The following HPS4 variants were observed in gnomAD, a reference collection of about 807,000 sequenced individuals.
The protein encoded by HPS4 is BLOC-3 complex member HPS4.
HPS4 carries 44 observed loss-of-function variants against 70.3 expected under a neutral mutation model. The observed-to-expected ratio is 0.63, with a 90% CI of 0.49 to 0.80. The LOEUF (loss-of-function observed/expected upper bound fraction) is 0.80. Ranked by LOEUF, HPS4 falls within the 30% of genes least tolerant of loss-of-function variation. HPS4 has a pLI of 0.00. For missense variants in HPS4, 873 were observed against 884.4 expected (o/e 0.99, Z 0.16); for synonymous variants, 377 against 355.9 (o/e 1.06, Z -0.67).
In HPS4 at chr22:26,481,343, C is replaced by T. The variant is rs118122339; in HGVS notation, c.41+379G>A. On this transcript the variant is annotated intron_variant, in intron 2 of 13. Transcript: ENST00000398145. ...GGTTTCAGACAGACATTGAGTAATACCCCTTGATACCCAGTCTGGCCAGAC... is the reference window on the plus strand; with the variant it reads ...GGTTTCAGACAGACATTGAGTAATATCCCTTGATACCCAGTCTGGCCAGAC... Among the ~76,000 whole-genome samples, 537 of 152,176 alleles carry T rather than the reference C, an allele frequency of 3.5e-3. 15 individuals are homozygous for T. The East Asian group carries it at 0.065, about 18-fold the overall frequency.
At chr22:26,465,951 A>G in intron 9 of HPS4, 4 of 1,064,808 alleles carry the variant, frequency 3.8e-6, no homozygotes, top group Non-Finnish European at 5.5e-6. Context: ...CCCTCTCCCA[A>G]TCACAATCTC....
Position 26,479,294 on chromosome 22 carries a change from C to T in HPS4, c.103G>A (p.Ala35Thr), listed in dbSNP as rs1380980900. Residue 35 changes from alanine (A) to threonine (T), a missense_variant, in exon 3 of 14, where the codon GCT becomes ACT. Transcript: ENST00000398145. Reference sequence around the variant, plus strand: ...GAAGGATAAAAGTAACAAATGCCAGCTCTTGTTGGATCGCCTTCTTCCTTT... The same window carrying T: ...GAAGGATAAAAGTAACAAATGCCAGTTCTTGTTGGATCGCCTTCTTCCTTT... ...KVKEEGDPTRAGICYFYPSQT... is the reference protein window; with the variant it reads ...KVKEEGDPTRTGICYFYPSQT... The T allele has an allele frequency of 1.2e-6, 2 of 1,614,154 alleles. No individual in the cohort carries two copies. The highest frequency in any genetic ancestry group is 2.2e-5 in the East Asian group (1 of 44,878).
At chr22:26,456,775 T>G (rs1335715334) in intron 13 of HPS4, among the ~76,000 whole-genome samples, 1 of 152,226 alleles carries the variant, frequency 6.6e-6, no homozygotes, top group Non-Finnish European at 1.5e-5. Context: ...CTGTTACCAG[T>G]TGTCAACCAA....
intron 1 of HPS4, among the ~76,000 whole-genome samples, chr22:26,483,440 C>G (rs2091510616): frequency 6.6e-6 from 1 of 152,234 alleles, no homozygotes; most frequent in Non-Finnish European, 1.5e-5. Context: ...AGTGGGGCAG[C>G]AGGGCTGGAA....
rs1006607051 is a variant in HPS4 at position 26,451,354 on chromosome 22, G to T, written c.*1879C>A. 1 of 152,246 alleles carries T rather than the reference G, an allele frequency of 6.6e-6. No homozygotes were observed. Among genetic ancestry groups the T allele is most frequent in the African/African-American group, 2.4e-5 (1 of 41,434 alleles). The allele number at this position is 152,246 out of a possible 1,614,324, so 9.4% of individuals were successfully genotyped here. A position where few individuals can be genotyped will look rare whatever the true frequency, so the allele number is the denominator to read the frequency against. ...TAAGTGTTTCTTCTCTGCAGCCTCT[G>T]GGCCACAGTTACCAAGCTTTAGAGA... is the stretch of plus-strand genomic sequence containing the variant. On this transcript the variant is annotated 3_prime_UTR_variant, in exon 14 of 14. Coordinates refer to ENST00000398145, the MANE Select transcript of HPS4 (RefSeq NM_022081.6).
In HPS4 at chr22:26,464,576, G is replaced by T. The variant is rs1248260692; in HGVS notation, c.1054C>A (p.Leu352Ile). Residue 352 changes from leucine (L) to isoleucine (I), a missense_variant, in exon 11 of 14, where the codon CTC (leucine) becomes ATC (isoleucine). Leu to Ile is a conservative substitution (Grantham distance 5). Transcript: ENST00000398145. The stretch of plus-strand genomic sequence containing the variant: ...AGTTCCTTCCCCAGGGAGGAGCTGA[G>T]GCCAAGAACCTCACCCCTGGCAGAG... Reference protein sequence around the residue: ...HNSARGEVLGLSSSLGKELVF... With the variant: ...HNSARGEVLGISSSLGKELVF... The T allele has an allele frequency of 3.1e-6, 5 of 1,614,130 alleles. No individual in the cohort carries two copies. The African/African-American group carries it at 6.7e-5, about 22-fold the overall frequency.
intron 7 of HPS4, among the ~76,000 whole-genome samples, chr22:26,469,888 C>T (rs952083108): frequency 2.6e-5 from 4 of 152,070 alleles, no homozygotes; most frequent in Non-Finnish European, 5.9e-5. Context: ...TCGGTTCTTC[C>T]GCATCTGTCA....
chr22:26,477,413 A>G (rs565254541), intron 3 of HPS4, among the ~76,000 whole-genome samples: 1 of 152,208 alleles, frequency 6.6e-6, no homozygotes, highest in South Asian at 2.1e-4. Context: ...CTAAGAGAAC[A>G]CCCAGCAGGA....
At position 26,452,371 on chromosome 22, in the gene HPS4, C is replaced by G. The variant is rs767814877; in HGVS notation, c.*862G>C. The G allele has an allele frequency of 1.0e-4, 46 of 456,546 alleles. No homozygotes were observed. Among genetic ancestry groups the G allele is most frequent in the Non-Finnish European group, 1.5e-4 (34 of 226,976 alleles). The allele number at this position is 456,546 out of a possible 1,614,324, so 28.3% of individuals were successfully genotyped here. On this transcript the variant is annotated 3_prime_UTR_variant, in exon 14 of 14. Coordinates refer to ENST00000398145, the MANE Select transcript of HPS4 (RefSeq NM_022081.6). ...ACCACACAAGCCCAGGAACACACAG[C>G]TGAGTGTCGCTCCCTTTCACGCAGC...
rs922201004 is a variant in HPS4 at position 26,455,553 on chromosome 22, A to G, written c.1956-2149T>C. On this transcript the variant is annotated intron_variant, in intron 13 of 13. Transcript: ENST00000398145. The stretch of plus-strand genomic sequence containing the variant: ...ACAATGAGAATACATGGACACAGGA[A>G]GGGGAACATCACACACTGGGGCCTG... 2.4e-5 allele frequency among the ~76,000 whole-genome samples: 3 copies of G among 126,904 alleles called. No individual in the cohort carries two copies. The Admixed American group carries it at 2.8e-4, about 12-fold the overall frequency. The allele number at this position is 126,904 out of a possible 152,430, so 83.3% of individuals were successfully genotyped here.
intron 9 of HPS4, 95 bp downstream of exon 9, chr22:26,466,131 G>A (rs2088552369): frequency 2.1e-5 from 34 of 1,612,176 alleles, no homozygotes; most frequent in Non-Finnish European, 2.8e-5. Context: ...AAATAAACAT[G>A]CAGATGGCTT....
chr22:26,454,595 GACTT>G, intron 13 of HPS4, among the ~76,000 whole-genome samples: 1 of 152,282 alleles, frequency 6.6e-6, no homozygotes, highest in South Asian at 2.1e-4. Context: ...ATGGATTAAA[GACTT>G]ACATGTTAGA....
Position 26,465,530 on chromosome 22 carries a change from A to C in HPS4, c.728T>G (p.Val243Gly), listed in dbSNP as rs2088376186. Residue 243 changes from valine to glycine, a missense_variant, in exon 10 of 14, where the codon GTC becomes GGC. Val to Gly is a moderately radical substitution (Grantham distance 109). Coordinates refer to ENST00000398145, the MANE Select transcript of HPS4 (RefSeq NM_022081.6). ...GGTCACAAAAACAGGGATAATCTGG[A>C]CATTCGGGGGCAATGCCGCTCCTGG... ...QEHGAALPPN[V>G]QIIPVFVTKE... 1 of 1,614,102 alleles carries C rather than the reference A, an allele frequency of 6.2e-7. No individual in the cohort carries two copies. Among genetic ancestry groups the C allele is most frequent in the Admixed American group, 1.7e-5 (1 of 60,028 alleles).
Position 26,451,998 on chromosome 22 carries a change from GCGCGCGCACACACACA to G in HPS4, c.*1219_*1234del, listed in dbSNP as rs1189256070. 0.048 allele frequency: 2,946 copies of G among 61,390 alleles called. 92 individuals are homozygous for G. The highest frequency in any genetic ancestry group is 0.21 in the African/African-American group (2,783 of 13,266). 3.8% of individuals were successfully genotyped at this position (61,390 alleles called of 1,614,324 possible). A position where few individuals can be genotyped will look rare whatever the true frequency, so the allele number is the denominator to read the frequency against. On this transcript the variant is annotated 3_prime_UTR_variant, in exon 14 of 14. Transcript: ENST00000398145. Reference sequence around the variant, plus strand: ...ATGCGCCCACGTTACGCGCGCGCGCGCGCGCGCACACACACACACACACACACACACACACACACAC... The same window carrying G: ...ATGCGCCCACGTTACGCGCGCGCGCGCACACACACACACACACACACACAC...
intron 7 of HPS4, among the ~76,000 whole-genome samples, chr22:26,470,487 C>T (rs2089610528): frequency 6.6e-6 from 1 of 152,248 alleles, no homozygotes; most frequent in Non-Finnish European, 1.5e-5. Context: ...ATTATAGGGA[C>T]ATTCTTAACT....
intron 11 of HPS4, among the ~76,000 whole-genome samples, chr22:26,461,663 G>GT (rs767773235): frequency 2.6e-4 from 40 of 152,220 alleles, no homozygotes; most frequent in Non-Finnish European, 5.1e-4. Flanking sequence ...TTTCTAGACA[G>GT]TAGCAGAGGG....
At chr22:26,454,871 A>C (rs1371851970) in intron 13 of HPS4, among the ~76,000 whole-genome samples, 2 of 152,066 alleles carry the variant, frequency 1.3e-5, no homozygotes, top group Non-Finnish European at 2.9e-5. Context: ...CAATGAACTC[A>C]AACAAATTTA....
At position 26,470,775 on chromosome 22, in the gene HPS4, C is replaced by T. The variant is rs756838292; in HGVS notation, c.540G>A (p.Leu180=). Residue 180 remains leucine (L), a synonymous_variant, in exon 7 of 14, where the codon CTG becomes CTA. Coordinates refer to ENST00000398145, the MANE Select transcript of HPS4 (RefSeq NM_022081.6). ...PLLLLKAARI[L]QTCQRSPHIL... ...TGTGAGGCGAGCGCTGGCAGGTCTG[C>T]AGAATGCGGGCTGCCTTCAGCAACA... 3.7e-6 allele frequency: 6 copies of T among 1,614,092 alleles called. No individual in the cohort carries two copies. The South Asian group carries it at 5.5e-5, about 15-fold the overall frequency.
At chr22:26,481,280 G>C (rs1037513070) in intron 2 of HPS4, among the ~76,000 whole-genome samples, 2 of 152,026 alleles carry the variant, frequency 1.3e-5, no homozygotes, top group African/African-American at 4.8e-5. Context: ...CCTAATTATG[G>C]GAAAGGATTA....
Sources: allele counts gnomAD v4.1 joint callset (sites outside exome capture counted in the v4.1 genomes callset), GRCh38; gene constraint gnomAD v4.1.1; transcripts MANE v1.5; gene names NCBI Gene and HGNC (gene_info 2026-07-23, HGNC 2026-07-21).